ATG2A: variants seen among roughly 807,000 people sequenced by gnomAD.
ATG2A encodes autophagy related 2A.
A neutral mutation model predicts 214.2 loss-of-function variants in ATG2A; 103 were observed. The ratio of observed to expected loss-of-function variants is 0.48; its 90% CI spans 0.41 to 0.57. The LOEUF is 0.57. ATG2A is among the 20% of genes least tolerant of loss of function. The pLI is 0.00. For missense variants in ATG2A, 2,312 were observed against 2,613.2 expected (o/e 0.88, Z 2.51); for synonymous variants, 1,160 against 1,142.1 (o/e 1.02, Z -0.32).
chr11:64,895,150 C>T lies in ATG2A; in HGVS notation c.5640G>A (p.Lys1880=), dbSNP rs755698096. ...CGCCCCCCACGGCGCCCGTCAGCCC[C>T]TTCTGCTCATGGCCCCGCGATGCCA... ...CDVASRGHEQ[K]GLTGAVGGVI... The change falls in exon 41 of 41, where the codon AAG becomes AAA. Residue 1880 remains lysine, a synonymous_variant. Transcript: ENST00000377264. This position sits in a 1 kb window ranked among gnomAD's most constrained non-coding sequence, Gnocchi z 5.0. 9.3e-6 allele frequency: 15 copies of T among 1,613,132 alleles called. No homozygotes were observed. Among genetic ancestry groups the T allele is most frequent in the African/African-American group, 1.3e-5 (1 of 74,930 alleles).
In ATG2A at chr11:64,913,278, C is replaced by T. The variant is rs1288115367; in HGVS notation, c.714G>A (p.Glu238=). The stretch of plus-strand genomic sequence containing the variant: ...AGAGCCCGCTCACCTGTGCCGGGAG[C>T]TCCTCGTAGTGCAGGCGGACCCCTG... ...QLAGVRLHYE[E]LPAQEEPPEP... Residue 238 remains glutamate, a synonymous_variant, in exon 5 of 41, where the codon GAG becomes GAA. Coordinates refer to ENST00000377264, the MANE Select transcript of ATG2A (RefSeq NM_015104.3). The surrounding 1 kb of genome is among the most constrained non-coding windows in gnomAD (Gnocchi z 4.3). 5 of 1,611,524 alleles carry T rather than the reference C, an allele frequency of 3.1e-6. No individual in the cohort carries two copies. The highest frequency in any genetic ancestry group is 4.2e-6 in the Non-Finnish European group (5 of 1,179,596).
chr11:64,910,271 G>A (rs1944718280), intron 12 of ATG2A, 76 bp from the exon 13 acceptor site: 2 of 1,505,212 alleles, frequency 1.3e-6, no homozygotes, highest in East Asian at 2.3e-5. Context: ...CTCTCTGGTA[G>A]TGGGAGAAGA....
At chr11:64,910,012 C>G in intron 13 of ATG2A, 28 bp downstream of exon 13, 2 of 1,558,268 alleles carry the variant, frequency 1.3e-6, no homozygotes, top group Non-Finnish European at 1.7e-6. Context: ...CACCCACCCC[C>G]GGCCTGGCCC....
In ATG2A at chr11:64,903,544, C is replaced by A; in HGVS notation, c.3535+46G>T. The A allele has an allele frequency of 6.6e-7, 1 of 1,519,050 alleles. No individual in the cohort carries two copies. Among genetic ancestry groups the A allele is most frequent in the African/African-American group, 1.4e-5 (1 of 72,676 alleles). 94.1% of individuals were successfully genotyped at this position (1,519,050 alleles called of 1,614,324 possible). A position where few individuals can be genotyped will look rare whatever the true frequency, so the allele number is the denominator to read the frequency against. Reference sequence around the variant, plus strand: ...CTGGCTGCTCTGGGTGTGGCCGGGGCGGTGGTCCCTCAGAGGGGAGGGAGC... The same window carrying A: ...CTGGCTGCTCTGGGTGTGGCCGGGGAGGTGGTCCCTCAGAGGGGAGGGAGC... On this transcript the variant is annotated intron_variant, in intron 25 of 40. Transcript: ENST00000377264. This position sits in a 1 kb window ranked among gnomAD's most constrained non-coding sequence, Gnocchi z 4.2.
rs1034367971 is a variant in ATG2A, at chr11:64,913,702, C to T, written c.590+119G>A. 11 of 1,048,130 alleles carry T rather than the reference C, an allele frequency of 1.0e-5. No homozygotes were observed. The highest frequency in any genetic ancestry group is 2.6e-4 in the Middle Eastern group (1 of 3,774). 64.9% of individuals were successfully genotyped at this position (1,048,130 alleles called of 1,614,324 possible). ...CCCACCTCCCCAACCCTACCACCAC[C>T]GAGGCCCATCCAGATCCACCCTGCC... On this transcript the variant is annotated intron_variant, in intron 4 of 40. Coordinates refer to ENST00000377264, the MANE Select transcript of ATG2A (RefSeq NM_015104.3). The surrounding 1 kb of genome is among the most constrained non-coding windows in gnomAD (Gnocchi z 4.3).
At chr11:64,907,502 C>A (rs776831673) in intron 18 of ATG2A, 23 bp downstream of exon 18, 11 of 1,612,288 alleles carry the variant, frequency 6.8e-6, no homozygotes, top group Non-Finnish European at 9.3e-6. Context: ...CTCCCTCTAG[C>A]CCAGCGTTAG....
chr11:64,910,991 AGGG>A, intron 10 of ATG2A, 37 bp from the exon 11 acceptor site: 1 of 1,613,578 alleles, frequency 6.2e-7, no homozygotes, highest in Non-Finnish European at 8.5e-7. Context: ...AGGTGCACTT[AGGG>A]GGCTCTGATG....
Position 64,903,710 on chromosome 11 carries a change from G to A in ATG2A, c.3465-50C>T. 6.6e-7 allele frequency: 1 copy of A among 1,520,054 alleles called. No homozygotes were observed. The highest frequency in any genetic ancestry group is 8.9e-7 in the Non-Finnish European group (1 of 1,124,926). 94.2% of individuals were successfully genotyped at this position (1,520,054 alleles called of 1,614,324 possible). On this transcript the variant is annotated intron_variant, in intron 24 of 40. Coordinates refer to ENST00000377264, the MANE Select transcript of ATG2A (RefSeq NM_015104.3). This position sits in a 1 kb window ranked among gnomAD's most constrained non-coding sequence, Gnocchi z 4.2. ...GGCCCGGGCACCGCTGCAGGGGGCA[G>A]CTCCACGGGAGCCGAGCAGAGGGGT...
At position 64,906,348 on chromosome 11, in the gene ATG2A, G is replaced by C. The variant is rs753821397; in HGVS notation, c.3169C>G (p.His1057Asp). 1 of 1,613,148 alleles carries C rather than the reference G, an allele frequency of 6.2e-7. No individual in the cohort carries two copies. The highest frequency in any genetic ancestry group is 1.1e-5 in the South Asian group (1 of 91,082). Residue 1057 changes from histidine (H) to aspartate (D), a missense_variant, in exon 21 of 41, where the codon CAC becomes GAC. His to Asp is a moderately conservative substitution (Grantham distance 81). Transcript: ENST00000377264. ...STAVRIHLDP[H>D]KNVKEFLVTL... ...CAAGCCCATACCTTCACATTCTTGT[G>C]GGGGTCCAGGTGGATGCGCACAGCA...
In ATG2A at chr11:64,897,670, C is replaced by G. The variant is rs926510526; in HGVS notation, c.5067+1G>C. 22 of 1,614,124 alleles carry G rather than the reference C, an allele frequency of 1.4e-5. No individual in the cohort carries two copies. The highest frequency in any genetic ancestry group is 1.5e-5 in the Non-Finnish European group (18 of 1,180,038). The stretch of plus-strand genomic sequence containing the variant: ...CCACCCCATCCGACCGCCCCACTTA[C>G]CACCTGGTCCATCGTGACGTGCTTG... On this transcript the variant is annotated splice_donor_variant, in intron 36 of 40. Transcript: ENST00000377264. LOFTEE classifies it high-confidence loss of function.
intron 14 of ATG2A, 88 bp from the exon 15 acceptor site, chr11:64,909,455 CCCGACTCCACACACA>C: frequency 5.6e-6 from 8 of 1,437,462 alleles, no homozygotes; most frequent in Non-Finnish European, 7.7e-6. Flanking sequence ...GAGCTGTGCC[CCCGACTCCACACACA>C]CCTTGGTGGG....
At chr11:64,908,305 C>T (rs1472138041) in intron 16 of ATG2A, among the ~76,000 whole-genome samples, 1 of 152,180 alleles carries the variant, frequency 6.6e-6, no homozygotes, top group Non-Finnish European at 1.5e-5. Context: ...ATAATCCCAG[C>T]ACTTTGGGAG....
intron 9 of ATG2A, among the ~76,000 whole-genome samples, chr11:64,911,479 G>C (rs1196407268): frequency 6.6e-6 from 1 of 152,126 alleles, no homozygotes; most frequent in African/African-American, 2.4e-5. Context: ...CCCTCCTCAG[G>C]GTGCTGGAAG....
Position 64,912,122 on chromosome 11 carries a change from G to C in ATG2A, c.1050C>G (p.Asp350Glu). The change falls in exon 8 of 41, where the codon GAC becomes GAG. Residue 350 changes from aspartate (D) to glutamate (E), a missense_variant. Transcript: ENST00000377264. ...GGTTGAGAAGGGGGTTGGTAAGGGGGTCTGGGCTGAGGGGCTCAGCCACTG... is the reference window on the plus strand; with the variant it reads ...GGTTGAGAAGGGGGTTGGTAAGGGGCTCTGGGCTGAGGGGCTCAGCCACTG... ...AGAVAEPLSP[D>E]PLTNPLLNLD... 1 of 1,613,950 alleles carries C rather than the reference G, an allele frequency of 6.2e-7. No individual in the cohort carries two copies. Among genetic ancestry groups the C allele is most frequent in the South Asian group, 1.1e-5 (1 of 91,086 alleles).
At chr11:64,908,561 A>G (rs555510802) in intron 16 of ATG2A, among the ~76,000 whole-genome samples, 1 of 152,130 alleles carries the variant, frequency 6.6e-6, no homozygotes, top group African/African-American at 2.4e-5. Flanking sequence ...CAAAAAAAAA[A>G]GAAAAAAAAA....
At position 64,907,308 on chromosome 11, in the gene ATG2A, A is replaced by G; in HGVS notation, c.2779T>C (p.Ser927Pro). ...CCCTTCAGCACTGTCACCAGTGTAG[A>G]GAAGGTGCTCTGCAAGTGAAGACTT... is the stretch of plus-strand genomic sequence containing the variant. ...APSLHLQSTF[S>P]TLVTVLKGRI... The change falls in exon 19 of 41, where the codon TCT (serine) becomes CCT (proline). Residue 927 changes from serine to proline, a missense_variant. Transcript: ENST00000377264. 1 of 1,551,552 alleles carries G rather than the reference A, an allele frequency of 6.4e-7. No homozygotes were observed.
In ATG2A at chr11:64,911,054, G is replaced by A; in HGVS notation, c.1450C>T (p.Pro484Ser). The A allele has an allele frequency of 6.2e-7, 1 of 1,614,048 alleles. No individual in the cohort carries two copies. Among genetic ancestry groups the A allele is most frequent in the Non-Finnish European group, 8.5e-7 (1 of 1,180,044 alleles). Residue 484 changes from proline (P) to serine (S), a missense_variant, in exon 10 of 41, where the codon CCC (proline) becomes TCC (serine). Physicochemically the swap from Pro to Ser is moderately conservative, Grantham distance 74. Transcript: ENST00000377264. ...GGCTTATACCGAACATGGCTACAGG[G>A]ACAGGCCCTCTGGAAGCGTGGTCGA... ...HLRPRFQRACPCSHVRLTGTA... is the reference protein window; with the variant it reads ...HLRPRFQRACSCSHVRLTGTA...
chr11:64,916,979 G>A lies in ATG2A; in HGVS notation c.157C>T (p.His53Tyr), dbSNP rs1437509176. The A allele has an allele frequency of 2.6e-5, 42 of 1,613,426 alleles. No homozygotes were observed. Among genetic ancestry groups the A allele is most frequent in the Non-Finnish European group, 3.4e-5 (40 of 1,179,982 alleles). Residue 53 changes from histidine (H) to tyrosine (Y), a missense_variant, in exon 1 of 41, where the codon CAC becomes TAC. By Grantham distance (83) the His-to-Tyr change is moderately conservative. Transcript: ENST00000377264. ...TGGCTCCTCACCCAGATTTCCAGGT[G>A]GATGTCTCGCAGGGCAACGCTGCCC... is the stretch of plus-strand genomic sequence containing the variant. ...YKGSVALRDI[H>Y]LEIWSVNEVL...
In ATG2A at chr11:64,901,963, G is replaced by A. The variant is rs528665670; in HGVS notation, c.4118C>T (p.Pro1373Leu). 6.5e-5 allele frequency: 105 copies of A among 1,612,548 alleles called. No individual in the cohort carries two copies. Among genetic ancestry groups the A allele is most frequent in the South Asian group, 5.6e-4 (51 of 91,082 alleles). The change falls in exon 29 of 41, where the codon CCG becomes CTG. Residue 1373 changes from proline to leucine, a missense_variant and splice_region_variant. Pro to Leu is a moderately conservative substitution (Grantham distance 98). Transcript: ENST00000377264. ...CILDAPGLGI[P>L]PRDGEPVVTQ... is the part of the protein sequence containing the mutation. The stretch of plus-strand genomic sequence containing the variant: ...TGGTCCATCCCTCCCACCACGCACC[G>A]GGATGCCCAGGCCGGGAGCATCAAG...
Sources: gnomAD v4.1 joint callset for allele counts (sites outside exome capture counted in the v4.1 genomes callset) on GRCh38, gnomAD v4.1.1 for gene constraint, Gnocchi (gnomAD v3.1) non-coding constraint, MANE v1.5 for transcripts, NCBI Gene and HGNC (gene_info 2026-07-23, HGNC 2026-07-21) for gene names.